Variants in ZDHHC19 observed in about 807,000 individuals in gnomAD.
ZDHHC19 encodes the protein palmitoyltransferase ZDHHC19.
In ZDHHC19, 30 loss-of-function variants were observed where a neutral mutation model predicts 33.9. The observed-to-expected ratio is 0.88, with a 90% CI of 0.66 to 1.20. The LOEUF (loss-of-function observed/expected upper bound fraction) is 1.20. Ranked by LOEUF, ZDHHC19 falls within the 50% of genes most tolerant of loss-of-function variation. The probability of loss-of-function intolerance (pLI) is 0.00; values close to 1 mark genes in which losing one functional copy is unlikely to be tolerated. For synonymous variants in ZDHHC19, 178 were observed against 167.6 expected, an observed-to-expected ratio of 1.06 and a Z score of -0.48; for missense variants, 364 against 401.1, an observed-to-expected ratio of 0.91 and a Z score of 0.79.
chr3:196,208,671 C>T (rs1452828768), intron 3 of ZDHHC19, 111 bp from the exon 4 acceptor site: 1 of 1,275,412 alleles, frequency 7.8e-7, no homozygotes, highest in African/African-American at 1.5e-5. Context: ...GCCCTTGGCC[C>T]ATGCACTGGC....
chr3:196,198,655 G>A, intron 6 of ZDHHC19, 134 bp downstream of exon 6: 6 of 1,569,518 alleles, frequency 3.8e-6, no homozygotes, highest in Non-Finnish European at 5.2e-6. Flanking sequence ...AGAGCTCCCA[G>A]TGCCCTGGAG....
At position 196,198,391 on chromosome 3, in the gene ZDHHC19, C is replaced by G. The variant is rs748513039; in HGVS notation, c.834G>C (p.Pro278=). 1 of 1,542,136 alleles carries G rather than the reference C, an allele frequency of 6.5e-7. No individual in the cohort carries two copies. Among genetic ancestry groups the G allele is most frequent in the Non-Finnish European group, 8.7e-7 (1 of 1,143,970 alleles). The part of the protein sequence containing the change: ...RVVGPDWTSM[P]NLHPPMSPSA... ...AGGGGGACATTGGAGGGTGCAGATT[C>G]GGCATGGATGTCCAGTCAGGCCCCA... The change falls in exon 7 of 8, where the codon CCG becomes CCC. Residue 278 remains proline, a synonymous_variant. Coordinates refer to ENST00000296326, the MANE Select transcript of ZDHHC19 (RefSeq NM_001039617.2).
At chr3:196,210,889 C>T in intron 1 of ZDHHC19, 152 bp from the exon 2 acceptor site, 1 of 1,293,436 alleles carries the variant, frequency 7.7e-7, no homozygotes, top group Non-Finnish European at 1.0e-6. Context: ...AATGGCTCCA[C>T]CAAATGTCAC....
intron 2 of ZDHHC19, 54 bp from the exon 3 acceptor site, chr3:196,209,569 C>A: frequency 6.3e-7 from 1 of 1,583,740 alleles, no homozygotes; most frequent in Admixed American, 1.8e-5. Flanking sequence ...CACCCCGCGG[C>A]GGGGGCAGCT....
At position 196,203,313 on chromosome 3, in the gene ZDHHC19, G is replaced by T. The variant is rs1452989921; in HGVS notation, c.687+4085C>A. Among the ~76,000 whole-genome samples, 2 of 152,112 alleles carry T rather than the reference G, an allele frequency of 1.3e-5. No individual in the cohort carries two copies. The highest frequency in any genetic ancestry group is 4.8e-5 in the African/African-American group (2 of 41,430). On this transcript the variant is annotated intron_variant, in intron 5 of 7. Coordinates refer to ENST00000296326, the MANE Select transcript of ZDHHC19 (RefSeq NM_001039617.2). This position sits in a 1 kb window ranked among gnomAD's most constrained non-coding sequence, Gnocchi z 4.3. ...GAAATTGAACGGTATTAATAGTAGC[G>T]ACATCTAGAGCACTCACTTGTACCA... is the stretch of plus-strand genomic sequence containing the variant.
At chr3:196,207,560 G>T in intron 4 of ZDHHC19, 57 bp from the exon 5 acceptor site, 6 of 1,247,998 alleles carry the variant, frequency 4.8e-6, no homozygotes, top group Non-Finnish European at 5.2e-6. Context: ...CGCCCCCCAG[G>T]CCCGACTCCG....
intron 6 of ZDHHC19, 166 bp from the exon 7 acceptor site, chr3:196,198,617 C>T (rs1472965820): frequency 3.2e-6 from 5 of 1,548,034 alleles, no homozygotes; most frequent in Non-Finnish European, 4.3e-6. Context: ...GGCAGGAACA[C>T]ACAGAGCCAA....
chr3:196,202,851 G>C (rs1358127169), intron 5 of ZDHHC19, among the ~76,000 whole-genome samples: 2 of 152,220 alleles, frequency 1.3e-5, no homozygotes, highest in African/African-American at 2.4e-5. Context: ...GCCCTGTCAG[G>C]AGACTTGGCT....
At chr3:196,206,679 C>CTT (rs10578928) in intron 5 of ZDHHC19, among the ~76,000 whole-genome samples, 4 of 112,780 alleles carry the variant, frequency 3.5e-5, no homozygotes, top group Non-Finnish European at 7.1e-5. Flanking sequence ...CTTTTCTTTT[C>CTT]TTTTTTTTTT....
rs906246994 is a variant in ZDHHC19 at position 196,203,115 on chromosome 3, G to C, written c.688-4241C>G. ...TCTCTACTAAAAATACAAAAAATCAGGTGGGCATGGTGACGTGCACCTGTA... is the reference window on the plus strand; with the variant it reads ...TCTCTACTAAAAATACAAAAAATCACGTGGGCATGGTGACGTGCACCTGTA... On this transcript the variant is annotated intron_variant, in intron 5 of 7. Transcript: ENST00000296326. The surrounding 1 kb of genome is among the most constrained non-coding windows in gnomAD (Gnocchi z 4.3). 5.3e-5 allele frequency among the ~76,000 whole-genome samples: 8 copies of C among 151,922 alleles called. No individual in the cohort carries two copies. Among genetic ancestry groups the C allele is most frequent in the Admixed American group, 2.0e-4 (3 of 15,216 alleles).
At chr3:196,211,081 T>G in intron 1 of ZDHHC19, 89 bp downstream of exon 1, 1 of 1,597,786 alleles carries the variant, frequency 6.3e-7, no homozygotes, top group Non-Finnish European at 8.5e-7. Flanking sequence ...TCCCCCGGTC[T>G]TCTGCACTCC....
At chr3:196,209,647 G>C in intron 2 of ZDHHC19, 132 bp from the exon 3 acceptor site, 1 of 1,221,622 alleles carries the variant, frequency 8.2e-7, no homozygotes, top group South Asian at 1.5e-5. Flanking sequence ...TCCCCACTGA[G>C]CAAGCTGTCC....
In ZDHHC19 at chr3:196,208,348, G is replaced by C. The variant is rs1186495746; in HGVS notation, c.581+40C>G. The C allele has an allele frequency of 3.7e-6, 6 of 1,601,628 alleles. No homozygotes were observed. The Admixed American group carries it at 5.1e-5, about 14-fold the overall frequency. On this transcript the variant is annotated intron_variant, in intron 4 of 7. Transcript: ENST00000296326. ...GCCCTCTGCAGCCCCCTCCTTGGCT[G>C]TCCCCGCCTCCTCTCCTGCTTCCCC... is the stretch of plus-strand genomic sequence containing the variant.
intron 7 of ZDHHC19, among the ~76,000 whole-genome samples, 154 bp downstream of exon 7, chr3:196,198,122 C>T (rs762487339): frequency 4.6e-5 from 7 of 151,924 alleles, no homozygotes; most frequent in Middle Eastern, 3.2e-3. Flanking sequence ...CTGCTTCCAA[C>T]GCCCCTCCAG....
In ZDHHC19 at chr3:196,198,994, C is replaced by G. The variant is rs1295960751; in HGVS notation, c.688-120G>C. ...GGGCTCAGCCCAGGGCACCAGCAAG[C>G]TGGAGGCCAGGAGACTGAAGGACCT... On this transcript the variant is annotated intron_variant, in intron 5 of 7. Transcript: ENST00000296326. 5.1e-6 allele frequency: 5 copies of G among 979,028 alleles called. No homozygotes were observed. The African/African-American group carries it at 6.4e-5, about 13-fold the overall frequency. The allele number at this position is 979,028 out of a possible 1,614,324, so 60.6% of individuals were successfully genotyped here.
chr3:196,203,786 C>T lies in ZDHHC19; in HGVS notation c.687+3612G>A, dbSNP rs73083212. On this transcript the variant is annotated intron_variant, in intron 5 of 7. Coordinates refer to ENST00000296326, the MANE Select transcript of ZDHHC19 (RefSeq NM_001039617.2). The surrounding 1 kb of genome is among the most constrained non-coding windows in gnomAD (Gnocchi z 4.3). ...GGGAGGGTCCACATGCAGACCAGAG[C>T]GGGCTGATGAGGAAGGGCGGAGCTG... 0.15 allele frequency among the ~76,000 whole-genome samples: 22,397 copies of T among 152,036 alleles called. 1,910 individuals are homozygous for T. Among genetic ancestry groups the T allele is most frequent in the East Asian group, 0.36 (1,868 of 5,170 alleles).
rs370724430 is a variant in ZDHHC19, at chr3:196,208,445, C to T, written c.524G>A (p.Cys175Tyr). The T allele has an allele frequency of 3.7e-6, 6 of 1,614,058 alleles. No homozygotes were observed. Among genetic ancestry groups the T allele is most frequent in the African/African-American group, 1.3e-5 (1 of 74,932 alleles). ...GGTTGTGCGCACCAGGAAGATGAGA[C>T]AGGTGACCAGCATGGCGCCCGAGTA... ...CLYSGAMLVT[C>Y]LIFLVRTTHL... The change falls in exon 4 of 8, where the codon TGT becomes TAT. Residue 175 changes from cysteine to tyrosine, a missense_variant. Physicochemically the swap from Cys to Tyr is radical, Grantham distance 194 (BLOSUM62 -2). Coordinates refer to ENST00000296326, the MANE Select transcript of ZDHHC19 (RefSeq NM_001039617.2).
At position 196,210,688 on chromosome 3, in the gene ZDHHC19, C is replaced by T. The variant is rs193171259; in HGVS notation, c.196G>A (p.Gly66Ser). ...AAGAAGGTAAGGACAAAGAGGGAGC[C>T]TGTGATAACAGGAAAGGCCCACTCC... ...NGEWAFPVIT[G>S]SLFVLTFFSL... The change falls in exon 2 of 8, where the codon GGC (glycine) becomes AGC (serine). Residue 66 changes from glycine (G) to serine (S), a missense_variant. By Grantham distance (56) the Gly-to-Ser change is moderately conservative. Transcript: ENST00000296326. 102 of 1,614,052 alleles carry T rather than the reference C, an allele frequency of 6.3e-5. No homozygotes were observed. The Admixed American group carries it at 8.8e-4, about 14-fold the overall frequency.
intron 5 of ZDHHC19, among the ~76,000 whole-genome samples, chr3:196,205,067 C>T (rs567252293): frequency 6.6e-6 from 1 of 152,176 alleles, no homozygotes; most frequent in Non-Finnish European, 1.5e-5. Flanking sequence ...GATCGAGCCA[C>T]TGCACTCCAT....
Sources: gnomAD v4.1 joint callset for allele counts (sites outside exome capture counted in the v4.1 genomes callset) on GRCh38, gnomAD v4.1.1 for gene constraint, Gnocchi (gnomAD v3.1) non-coding constraint, MANE v1.5 for transcripts, NCBI Gene and HGNC (gene_info 2026-07-23, HGNC 2026-07-21) for gene names.